AQP4: variants seen among roughly 807,000 people sequenced by gnomAD.
AQP4 encodes the protein aquaporin-4.
A neutral mutation model predicts 27.8 loss-of-function variants in AQP4; 18 were observed. The ratio of observed to expected loss-of-function variants is 0.65; its 90% CI spans 0.45 to 0.96. AQP4 has a LOEUF of 0.96. Among genes scored for constraint, AQP4 ranks in the 40% least tolerant of loss-of-function variants. AQP4 has a pLI of 0.00. For missense variants in AQP4, 412 were observed against 408.2 expected (o/e 1.01, Z -0.08); for synonymous variants, 141 against 142.9 (o/e 0.99, Z 0.10).
In AQP4 at chr18:26,852,907, C is replaced by T. The variant is rs537164829; in HGVS notation, c.*3304G>A. 4 of 398,494 alleles carry T rather than the reference C, an allele frequency of 1.0e-5. No homozygotes were observed. The highest frequency in any genetic ancestry group is 7.1e-5 in the East Asian group (2 of 28,064). 24.7% of individuals were successfully genotyped at this position (398,494 alleles called of 1,614,324 possible). On this transcript the variant is annotated 3_prime_UTR_variant, in exon 5 of 5. Transcript: ENST00000383168. ...CAAATTCTCTGTGAATTGTTCGTAA[C>T]GTGAGGTTGGTGTCAACATGCTGCA...
At chr18:26,861,418 C>T (rs898583369) in intron 2 of AQP4, 123 bp from the exon 3 acceptor site, 6 of 912,050 alleles carry the variant, frequency 6.6e-6, no homozygotes, top group Non-Finnish European at 1.0e-5. Context: ...TTCTACCCCA[C>T]CTTCAACTGA....
In AQP4 at chr18:26,865,661, C is replaced by T. The variant is rs1206989233; in HGVS notation, c.29G>A (p.Trp10Ter). MSDRPTARR[W>*]GKCGPLCTRE... The stretch of plus-strand genomic sequence containing the variant: ...CTTAAGGCAAAGAAGGACTTACCCC[C>T]ACCGCCTTGCTGTGGGTCTGTCACT... Residue 10 changes from tryptophan to a stop codon, truncating the protein, a stop_gained, in exon 1 of 5, where the codon TGG (tryptophan) becomes TAG (stop). Coordinates refer to ENST00000383168, the MANE Select transcript of AQP4 (RefSeq NM_001650.7). LOFTEE classifies it high-confidence loss of function. 6.2e-7 allele frequency: 1 copy of T among 1,614,216 alleles called. No homozygotes were observed. Among genetic ancestry groups the T allele is most frequent in the Non-Finnish European group, 8.5e-7 (1 of 1,180,034 alleles).
chr18:26,862,077 T>A, intron 2 of AQP4, 105 bp downstream of exon 2: 3 of 1,306,444 alleles, frequency 2.3e-6, no homozygotes, highest in East Asian at 2.3e-5. Flanking sequence ...TCCCTAGGAG[T>A]AAATTAGCTA....
chr18:26,855,926 A>G lies in AQP4; in HGVS notation c.*285T>C. Reference sequence around the variant, plus strand: ...GCAAGACTTAACCAAATCTTGACACACGGTTAAAATTGGTTGTTAATGAAA... The same window carrying G: ...GCAAGACTTAACCAAATCTTGACACGCGGTTAAAATTGGTTGTTAATGAAA... On this transcript the variant is annotated 3_prime_UTR_variant, in exon 5 of 5. Transcript: ENST00000383168. The G allele has an allele frequency of 1.0e-5, 4 of 396,348 alleles. No homozygotes were observed. Among genetic ancestry groups the G allele is most frequent in the Non-Finnish European group, 1.9e-5 (4 of 213,624 alleles). 24.6% of individuals were successfully genotyped at this position (396,348 alleles called of 1,614,324 possible). A position where few individuals can be genotyped will look rare whatever the true frequency, so the allele number is the denominator to read the frequency against.
In AQP4 at chr18:26,852,662, CAAA is replaced by C. The variant is rs2054771608; in HGVS notation, c.*3546_*3548del. ...ACTAAACTCACAAAATTTGTGGTAA[CAAA>C]AGAGAGTTTTGTTACATTACACTTT... On this transcript the variant is annotated 3_prime_UTR_variant, in exon 5 of 5. Coordinates refer to ENST00000383168, the MANE Select transcript of AQP4 (RefSeq NM_001650.7). The C allele has an allele frequency of 2.5e-6, 1 of 394,796 alleles. No homozygotes were observed. The highest frequency in any genetic ancestry group is 4.4e-5 in the Admixed American group (1 of 22,650). The allele number at this position is 394,796 out of a possible 1,614,324, so 24.5% of individuals were successfully genotyped here. A position where few individuals can be genotyped will look rare whatever the true frequency, so the allele number is the denominator to read the frequency against.
intron 2 of AQP4, 70 bp downstream of exon 2, chr18:26,862,112 C>G (rs2054956336): frequency 6.4e-6 from 10 of 1,559,500 alleles, no homozygotes; most frequent in Non-Finnish European, 8.8e-6. Flanking sequence ...CTCATGCCAC[C>G]AAGGCATTAT....
rs776865043 is a variant in AQP4 at position 26,862,421 on chromosome 18, T to A, written c.208A>T (p.Met70Leu). 6.2e-7 allele frequency: 1 copy of A among 1,614,208 alleles called. No homozygotes were observed. The highest frequency in any genetic ancestry group is 8.5e-7 in the Non-Finnish European group (1 of 1,180,036). The change falls in exon 2 of 5, where the codon ATG becomes TTG. Residue 70 changes from methionine to leucine, a missense_variant. Met to Leu is a conservative substitution (Grantham distance 15). Coordinates refer to ENST00000383168, the MANE Select transcript of AQP4 (RefSeq NM_001650.7). ...CCAAAGCAAAGGGAGATGAGAACCA[T>A]GTCGACCGGTAAAGGCTTTTCTGTT... is the stretch of plus-strand genomic sequence containing the variant. ...GGTEKPLPVDMVLISLCFGLS... is the reference protein window; with the variant it reads ...GGTEKPLPVDLVLISLCFGLS...
At chr18:26,856,618 T>A in intron 4 of AQP4, 129 bp from the exon 5 acceptor site, 1 of 1,069,808 alleles carries the variant, frequency 9.3e-7, no homozygotes, top group Non-Finnish European at 1.4e-6. Context: ...AAGAGGGGAA[T>A]TGGAGAGGAA....
Position 26,854,077 on chromosome 18 carries a change from A to C in AQP4, c.*2134T>G, listed in dbSNP as rs1484582423. The C allele has an allele frequency of 6.6e-6, 1 of 152,202 alleles. No individual in the cohort carries two copies. The highest frequency in any genetic ancestry group is 2.4e-5 in the African/African-American group (1 of 41,436). The allele number at this position is 152,202 out of a possible 1,614,324, so 9.4% of individuals were successfully genotyped here. A position where few individuals can be genotyped will look rare whatever the true frequency, so the allele number is the denominator to read the frequency against. ...CTATGTGCCAGGCTCTCTGCTAGCT[A>C]CTAGAAAACAAATTACAAAAACACC... is the stretch of plus-strand genomic sequence containing the variant. On this transcript the variant is annotated 3_prime_UTR_variant, in exon 5 of 5. Coordinates refer to ENST00000383168, the MANE Select transcript of AQP4 (RefSeq NM_001650.7).
chr18:26,861,138 A>G lies in AQP4; in HGVS notation c.605T>C (p.Leu202Ser). ...AIGFSVAIGH[L>S]FAINYTGASM... ...ATGGACTTGGAAACTTACTGCAAAT[A>G]AATGTCCAATTGCAACAGAAAATCC... Residue 202 changes from leucine (L) to serine (S), a missense_variant, in exon 3 of 5, where the codon TTA (leucine) becomes TCA (serine). Transcript: ENST00000383168. The G allele has an allele frequency of 5.0e-6, 8 of 1,614,110 alleles. No homozygotes were observed. The highest frequency in any genetic ancestry group is 1.3e-5 in the African/African-American group (1 of 75,054).
chr18:26,862,005 C>T (rs1406071238), intron 2 of AQP4, 177 bp downstream of exon 2: 2 of 745,508 alleles, frequency 2.7e-6, no homozygotes, highest in African/African-American at 3.5e-5. Flanking sequence ...ACAATGATTT[C>T]TTACAGATAT....
In AQP4 at chr18:26,856,295, A is replaced by C. The variant is rs1240287158; in HGVS notation, c.888T>G (p.Pro296=). ...QVETDDLILK[P]GVVHVIDVDR... The stretch of plus-strand genomic sequence containing the variant: ...CAACGTCAATCACATGCACCACTCC[A>C]GGTTTTAGAATCAGGTCATCCGTCT... Residue 296 remains proline, a synonymous_variant, in exon 5 of 5, where the codon CCT becomes CCG. Coordinates refer to ENST00000383168, the MANE Select transcript of AQP4 (RefSeq NM_001650.7). The C allele has an allele frequency of 3.7e-6, 6 of 1,614,026 alleles. No individual in the cohort carries two copies. The highest frequency in any genetic ancestry group is 5.1e-6 in the Non-Finnish European group (6 of 1,180,036).
Position 26,853,152 on chromosome 18 carries a change from A to G in AQP4, c.*3059T>C, listed in dbSNP as rs535324500. ...TTCTAATCTCCTTGTAAAGTCTTCAATACTGAGCAGCAGCTCTAGCTAGCA... is the reference window on the plus strand; with the variant it reads ...TTCTAATCTCCTTGTAAAGTCTTCAGTACTGAGCAGCAGCTCTAGCTAGCA... On this transcript the variant is annotated 3_prime_UTR_variant, in exon 5 of 5. Coordinates refer to ENST00000383168, the MANE Select transcript of AQP4 (RefSeq NM_001650.7). The G allele has an allele frequency of 7.9e-5, 28 of 352,412 alleles. No homozygotes were observed. The highest frequency in any genetic ancestry group is 7.3e-4 in the Middle Eastern group (1 of 1,378). The allele number at this position is 352,412 out of a possible 1,614,324, so 21.8% of individuals were successfully genotyped here. A position where few individuals can be genotyped will look rare whatever the true frequency, so the allele number is the denominator to read the frequency against.
chr18:26,856,176 A>G lies in AQP4; in HGVS notation c.*35T>C, dbSNP rs771490671. 6.2e-7 allele frequency: 1 copy of G among 1,612,398 alleles called. No individual in the cohort carries two copies. The highest frequency in any genetic ancestry group is 1.1e-5 in the South Asian group (1 of 91,020). Reference sequence around the variant, plus strand: ...TGGAAGGAAATCTGAGGACAGTTCTAAGGAGTCTTGTCTGCTTTCAGTGCG... The same window carrying G: ...TGGAAGGAAATCTGAGGACAGTTCTGAGGAGTCTTGTCTGCTTTCAGTGCG... On this transcript the variant is annotated 3_prime_UTR_variant, in exon 5 of 5. Coordinates refer to ENST00000383168, the MANE Select transcript of AQP4 (RefSeq NM_001650.7).
chr18:26,863,490 G>C (rs115665627), intron 1 of AQP4, among the ~76,000 whole-genome samples: 3,053 of 152,266 alleles, frequency 0.02, 95 homozygotes, highest in African/African-American at 0.07. Flanking sequence ...GGTGCATCCT[G>C]GCCGCTGGAG....
At chr18:26,865,270 A>G in intron 1 of AQP4, 1 of 338,830 alleles carries the variant, frequency 3.0e-6, no homozygotes, top group Non-Finnish European at 5.7e-6. Flanking sequence ...TTGCCCCAGA[A>G]CAAAGCGGGT....
rs528549577 is a variant in AQP4 at position 26,855,861 on chromosome 18, G to A, written c.*350C>T. 3.2e-6 allele frequency: 1 copy of A among 314,398 alleles called. No individual in the cohort carries two copies. Among genetic ancestry groups the A allele is most frequent in the East Asian group, 8.2e-5 (1 of 12,176 alleles). 19.5% of individuals were successfully genotyped at this position (314,398 alleles called of 1,614,324 possible). On this transcript the variant is annotated 3_prime_UTR_variant, in exon 5 of 5. Transcript: ENST00000383168. ...TTGACTATACCAATATTCCAGTAGA[G>A]AAGGAATAAGCTGATAGACGTGTCT...
Position 26,862,301 on chromosome 18 carries a change from T to G in AQP4, c.328A>C (p.Ile110Leu). The G allele has an allele frequency of 6.2e-7, 1 of 1,614,214 alleles. No homozygotes were observed. The highest frequency in any genetic ancestry group is 8.5e-7 in the Non-Finnish European group (1 of 1,180,036). Residue 110 changes from isoleucine to leucine, a missense_variant, in exon 2 of 5, where the codon ATC (isoleucine) becomes CTC (leucine). Coordinates refer to ENST00000383168, the MANE Select transcript of AQP4 (RefSeq NM_001650.7). ...VTVAMVCTRKISIAKSVFYIA... is the reference protein window; with the variant it reads ...VTVAMVCTRKLSIAKSVFYIA... ...TAGAAGACAGACTTGGCGATGCTGA[T>G]CTTCCTGGTGCACACCATGGCCACA...
At chr18:26,863,742 C>G (rs530420057) in intron 1 of AQP4, among the ~76,000 whole-genome samples, 2 of 152,292 alleles carry the variant, frequency 1.3e-5, no homozygotes, top group Admixed American at 6.5e-5. Context: ...GCAGAAGGCT[C>G]TATGGAAAAC....
Sources: gnomAD v4.1 joint callset for allele counts (sites outside exome capture counted in the v4.1 genomes callset) on GRCh38, gnomAD v4.1.1 for gene constraint, MANE v1.5 for transcripts, NCBI Gene and HGNC (gene_info 2026-07-23, HGNC 2026-07-21) for gene names.